The following PTPRT variants were observed in gnomAD, a reference collection of about 807,000 sequenced individuals.
PTPRT encodes receptor-type tyrosine-protein phosphatase T.
PTPRT carries 56 observed loss-of-function variants against 176.8 expected under a neutral mutation model. That is an observed-to-expected ratio of 0.32 (90% CI 0.26 to 0.40). The LOEUF is 0.40. Among genes scored for constraint, PTPRT ranks in the 10% least tolerant of loss-of-function variants. The pLI is 1.00. For synonymous variants in PTPRT, 783 were observed against 739.0 expected, an observed-to-expected ratio of 1.06 and a Z score of -0.96; for missense variants, 1,540 against 1,908.2, an observed-to-expected ratio of 0.81 and a Z score of 3.60.
At chr20:43,131,666 C>G (rs988342084) in intron 1 of PTPRT, among the ~76,000 whole-genome samples, 1 of 152,090 alleles carries the variant, frequency 6.6e-6, no homozygotes, top group Non-Finnish European at 1.5e-5. Context: ...ATTTTTCAAA[C>G]AAAGCCAGCA....
intron 1 of PTPRT, among the ~76,000 whole-genome samples, chr20:42,984,069 C>T (rs1336843311): frequency 6.6e-6 from 1 of 152,244 alleles, no homozygotes; most frequent in Non-Finnish European, 1.5e-5. Context: ...TGGACAGGTA[C>T]ACTCAGCTGC....
chr20:42,277,484 GC>G (rs1331208320), intron 13 of PTPRT, among the ~76,000 whole-genome samples: 2 of 152,222 alleles, frequency 1.3e-5, no homozygotes, highest in Non-Finnish European at 2.9e-5. Flanking sequence ...AAAGAAGCAA[GC>G]ATGCACCTTC....
intron 1 of PTPRT, among the ~76,000 whole-genome samples, chr20:42,995,275 T>C (rs1040443689): frequency 3.9e-5 from 6 of 152,104 alleles, no homozygotes; most frequent in Admixed American, 3.9e-4. Context: ...CCTCATGAGG[T>C]TGTAGACAAC....
chr20:42,177,506 C>A (rs909638657), intron 16 of PTPRT, among the ~76,000 whole-genome samples: 3 of 152,176 alleles, frequency 2.0e-5, no homozygotes, highest in African/African-American at 4.8e-5. Context: ...AGCAGTGTGT[C>A]CCCATCAAGG....
At chr20:42,608,332 T>C (rs1285641277) in intron 7 of PTPRT, among the ~76,000 whole-genome samples, 1 of 152,184 alleles carries the variant, frequency 6.6e-6, no homozygotes, top group Non-Finnish European at 1.5e-5. Context: ...TTAATGAATA[T>C]GAGGTCTCTG....
chr20:42,614,136 C>T (rs2074022417), intron 7 of PTPRT, among the ~76,000 whole-genome samples: 1 of 152,098 alleles, frequency 6.6e-6, no homozygotes, highest in Non-Finnish European at 1.5e-5. Flanking sequence ...TGGTGGTTTG[C>T]TGGCAATCTC....
intron 1 of PTPRT, among the ~76,000 whole-genome samples, chr20:43,039,298 C>T (rs531419450): frequency 6.6e-6 from 1 of 151,978 alleles, no homozygotes; most frequent in African/African-American, 2.4e-5. Context: ...GTAGAAAACA[C>T]ATGAATTATT....
chr20:42,505,858 T>G (rs1601149318), intron 7 of PTPRT, among the ~76,000 whole-genome samples: 2 of 152,330 alleles, frequency 1.3e-5, no homozygotes, highest in Middle Eastern at 6.8e-3. Flanking sequence ...ATTTGCCATT[T>G]GACTGCTTTT....
intron 1 of PTPRT, among the ~76,000 whole-genome samples, chr20:43,098,646 G>A (rs2012267387): frequency 6.6e-6 from 1 of 151,478 alleles, no homozygotes; most frequent in Admixed American, 6.6e-5. Context: ...TCCTTACCAG[G>A]ATAAAAAATC....
chr20:42,253,399 G>A (rs2056581424), intron 13 of PTPRT, among the ~76,000 whole-genome samples: 1 of 152,096 alleles, frequency 6.6e-6, no homozygotes, highest in Non-Finnish European at 1.5e-5. Flanking sequence ...GCCCTTCAGT[G>A]GGATAACACC....
At chr20:42,612,060 C>A (rs6102945) in intron 7 of PTPRT, among the ~76,000 whole-genome samples, 18,062 of 152,114 alleles carry the variant, frequency 0.12, 2,647 homozygotes, top group African/African-American at 0.35. Context: ...CAGCCTCCTG[C>A]TGAATGAGGT....
At chr20:42,145,506 A>ATAGC (rs2146433221) in intron 17 of PTPRT, among the ~76,000 whole-genome samples, 1 of 147,292 alleles carries the variant, frequency 6.8e-6, no homozygotes, top group Admixed American at 7.2e-5. Flanking sequence ...TCATAGATAG[A>ATAGC]TAGATAGATA....
chr20:42,102,292 G>T lies in PTPRT; in HGVS notation c.3546C>A (p.Leu1182=). 6.2e-7 allele frequency: 1 copy of T among 1,613,840 alleles called. No individual in the cohort carries two copies. The highest frequency in any genetic ancestry group is 8.5e-7 in the Non-Finnish European group (1 of 1,179,802). Reference sequence around the variant, plus strand: ...GCCGCACACGGGGTGTCACAATGTTGAGGGTCTGTGGGGCACAAAGGTGAA... The same window carrying T: ...GCCGCACACGGGGTGTCACAATGTTTAGGGTCTGTGGGGCACAAAGGTGAA... The part of the protein sequence containing the change: ...SSQIKDEFQT[L]NIVTPRVRPE... Residue 1182 remains leucine (L), a synonymous_variant, in exon 26 of 31, where the codon CTC becomes CTA. Transcript: ENST00000373187.
At chr20:42,090,639 T>C (rs1270854617) in intron 27 of PTPRT, among the ~76,000 whole-genome samples, 2 of 152,128 alleles carry the variant, frequency 1.3e-5, no homozygotes, top group Non-Finnish European at 2.9e-5. Flanking sequence ...AGAGATCACA[T>C]CTGTGAGTGG....
intron 1 of PTPRT, among the ~76,000 whole-genome samples, chr20:43,140,443 A>AGTGTGTGTGTGTGT (rs6147356): frequency 6.8e-6 from 1 of 146,854 alleles, no homozygotes; most frequent in African/African-American, 2.6e-5. Context: ...ACCTCTGGGT[A>AGTGTGTGTGTGTGT]GTGTGTGTGT....
chr20:42,293,831 A>G (rs1012022798), intron 12 of PTPRT, among the ~76,000 whole-genome samples: 3 of 152,194 alleles, frequency 2.0e-5, no homozygotes, highest in Non-Finnish European at 4.4e-5. Context: ...AGGAGTCATT[A>G]TTGATTTTTC....
At chr20:43,001,887 C>A (rs8125291) in intron 1 of PTPRT, among the ~76,000 whole-genome samples, 23 of 133,788 alleles carry the variant, frequency 1.7e-4, no homozygotes, top group Non-Finnish European at 2.4e-4. Context: ...AACAAAAAAA[C>A]AAACAAAAAA....
At chr20:43,062,202 C>T (rs1262333171) in intron 1 of PTPRT, among the ~76,000 whole-genome samples, 1 of 152,138 alleles carries the variant, frequency 6.6e-6, no homozygotes, top group Non-Finnish European at 1.5e-5. Context: ...AAAACCAAAA[C>T]TCTGCACTTA....
intron 9 of PTPRT, among the ~76,000 whole-genome samples, chr20:42,379,113 G>C (rs74564694): frequency 2.6e-5 from 4 of 152,152 alleles, no homozygotes; most frequent in Non-Finnish European, 4.4e-5. Flanking sequence ...CAACTCTGGC[G>C]TGCCCAGCCT....
Sources: gnomAD v4.1 joint callset for allele counts (sites outside exome capture counted in the v4.1 genomes callset) on GRCh38, gnomAD v4.1.1 for gene constraint, MANE v1.5 for transcripts, NCBI Gene and HGNC (gene_info 2026-07-23, HGNC 2026-07-21) for gene names.